CAND2: variants seen among roughly 807,000 people sequenced by gnomAD.
The protein encoded by CAND2 is cullin-associated NEDD8-dissociated protein 2.
Under a neutral mutation model 98.9 loss-of-function variants are expected in CAND2, and 62 were observed. The ratio of observed to expected loss-of-function variants is 0.63; its 90% confidence interval spans 0.51 to 0.77. The LOEUF (loss-of-function observed/expected upper bound fraction) is 0.77. Among genes scored for constraint, CAND2 ranks in the 30% least tolerant of loss-of-function variants. The probability of loss-of-function intolerance (pLI) is 0.00; values close to 1 mark genes in which losing one functional copy is unlikely to be tolerated. For missense variants in CAND2, 1,501 were observed against 1,655.2 expected (o/e 0.91, Z 1.62); for synonymous variants, 770 against 731.9 (o/e 1.05, Z -0.84).
chr3:12,830,835 C>G (rs2062046997), intron 13 of CAND2, among the ~76,000 whole-genome samples: 1 of 152,176 alleles, frequency 6.6e-6, no homozygotes, highest in African/African-American at 2.4e-5. Flanking sequence ...GGCTGGGCCT[C>G]CTCCTTTGCT....
intron 11 of CAND2, among the ~76,000 whole-genome samples, chr3:12,821,433 A>G: frequency 1.3e-5 from 2 of 152,200 alleles, no homozygotes; most frequent in Middle Eastern, 6.8e-3. Context: ...TTGTGCTGAT[A>G]CTCATCTGCC....
At chr3:12,800,277 C>T (rs2061756280) in intron 1 of CAND2, among the ~76,000 whole-genome samples, 1 of 152,238 alleles carries the variant, frequency 6.6e-6, no homozygotes, top group Non-Finnish European at 1.5e-5. Flanking sequence ...GACCAGTCCA[C>T]CCCTGGTAAC....
Position 12,796,786 on chromosome 3 carries a change from C to T in CAND2, c.66C>T (p.Phe22=). 6.3e-7 allele frequency: 1 copy of T among 1,582,624 alleles called. No homozygotes were observed. Among genetic ancestry groups the T allele is most frequent in the South Asian group, 1.1e-5 (1 of 86,986 alleles). Residue 22 remains phenylalanine, a splice_region_variant and synonymous_variant, in exon 1 of 15, where the codon TTC becomes TTT. Coordinates refer to ENST00000456430, the MANE Select transcript of CAND2 (RefSeq NM_001162499.2). ...AGATGACGTCCAGCGACAAGGACTT[C>T]AGGTGCAGCCCGCCGCCGGCCCCCT... The part of the protein sequence containing the change: ...LEKMTSSDKD[F]RFMATSDLMS...
At position 12,834,130 on chromosome 3, in the gene CAND2, C is replaced by A; in HGVS notation, c.*148C>A. On this transcript the variant is annotated 3_prime_UTR_variant, in exon 15 of 15. Coordinates refer to ENST00000456430, the MANE Select transcript of CAND2 (RefSeq NM_001162499.2). The stretch of plus-strand genomic sequence containing the variant: ...TCGCTCCTGGTCAGGGCTTACAGTG[C>A]CTTCTCCAGGGACCCAACTCAAAGG... 3 of 659,862 alleles carry A rather than the reference C, an allele frequency of 4.5e-6. No homozygotes were observed. The highest frequency in any genetic ancestry group is 7.7e-6 in the Non-Finnish European group (3 of 387,978). The allele number at this position is 659,862 out of a possible 1,614,324, so 40.9% of individuals were successfully genotyped here.
chr3:12,808,478 C>CA, intron 4 of CAND2, 145 bp downstream of exon 4: 1 of 905,210 alleles, frequency 1.1e-6, no homozygotes, highest in Non-Finnish European at 1.7e-6. Context: ...AAGGAGAACT[C>CA]AATTGTCACA....
At position 12,816,928 on chromosome 3, in the gene CAND2, C is replaced by T. The variant is rs766153105; in HGVS notation, c.1996C>T (p.Arg666Trp). The change falls in exon 10 of 15, where the codon CGG (arginine) becomes TGG (tryptophan). Residue 666 changes from arginine (R) to tryptophan (W), a missense_variant. Around this residue, in one of 3 missense-constraint regions of CAND2, gnomAD observed 1,427 missense variants for 1,545.3 expected, o/e 0.92. Transcript: ENST00000456430. ...ILASFLRKNQ[R>W]ALRLATLAAL... ...GGCCTCATTCCTGCGGAAGAACCAG[C>T]GGGCTTTGCGACTGGCCACACTGGC... The T allele has an allele frequency of 3.7e-6, 6 of 1,613,694 alleles. No homozygotes were observed. Among genetic ancestry groups the T allele is most frequent in the South Asian group, 3.3e-5 (3 of 91,082 alleles).
At chr3:12,813,684 A>G (rs537165942) in intron 7 of CAND2, among the ~76,000 whole-genome samples, 59 of 152,364 alleles carry the variant, frequency 3.9e-4, no homozygotes, top group African/African-American at 1.4e-3. Flanking sequence ...CTGAGATAAC[A>G]CAACTAGGAA....
At chr3:12,799,651 C>G (rs2061752573) in intron 1 of CAND2, among the ~76,000 whole-genome samples, 1 of 152,186 alleles carries the variant, frequency 6.6e-6, no homozygotes, top group Non-Finnish European at 1.5e-5. Flanking sequence ...CTCTGCAGAC[C>G]TGTTCTTTGT....
chr3:12,818,078 G>A (rs939696440), intron 10 of CAND2, among the ~76,000 whole-genome samples: 1 of 152,210 alleles, frequency 6.6e-6, no homozygotes, highest in African/African-American at 2.4e-5. Context: ...GGGACTGTGG[G>A]ATAGAAGGGA....
chr3:12,796,732 C>G lies in CAND2; in HGVS notation c.12C>G (p.Ala4=). The part of the protein sequence containing the change: MST[A]AFHISSLLEK... ...GGCGCGCAGCCACCATGAGCACCGC[C>G]GCCTTCCACATCTCCAGCCTCCTGG... is the stretch of plus-strand genomic sequence containing the variant. The change falls in exon 1 of 15, where the codon GCC becomes GCG. Residue 4 remains alanine, a synonymous_variant. Coordinates refer to ENST00000456430, the MANE Select transcript of CAND2 (RefSeq NM_001162499.2). 6.3e-7 allele frequency: 1 copy of G among 1,586,986 alleles called. No homozygotes were observed. Among genetic ancestry groups the G allele is most frequent in the Non-Finnish European group, 8.6e-7 (1 of 1,167,170 alleles).
At chr3:12,807,182 C>T in intron 2 of CAND2, 124 bp from the exon 3 acceptor site, 2 of 835,368 alleles carry the variant, frequency 2.4e-6, no homozygotes, top group Non-Finnish European at 3.7e-6. Flanking sequence ...ACAGGGGCTC[C>T]CCTGATGATC....
At chr3:12,807,616 C>T (rs2061818001) in intron 3 of CAND2, among the ~76,000 whole-genome samples, 156 bp downstream of exon 3, 1 of 152,120 alleles carries the variant, frequency 6.6e-6, no homozygotes, top group Admixed American at 6.5e-5. Flanking sequence ...AATTCAGGCC[C>T]AGCTCAGTTT....
At position 12,807,309 on chromosome 3, in the gene CAND2, G is replaced by T. The variant is rs770183884; in HGVS notation, c.216G>T (p.Leu72=). The change falls in exon 3 of 15, where the codon CTG becomes CTT. Residue 72 remains leucine, a synonymous_variant. Transcript: ENST00000456430. The stretch of plus-strand genomic sequence containing the variant: ...CACCTTCCCACTCCCTGCTCAGCCT[G>T]GGTCCTCTGGTGGTCAAAGTGAAGG... ...GEVQNLAVKC[L]GPLVVKVKEY... is the part of the protein sequence containing the mutation. 48 of 1,551,256 alleles carry T rather than the reference G, an allele frequency of 3.1e-5. No individual in the cohort carries two copies. The East Asian group carries it at 1.1e-3, about 36-fold the overall frequency.
In CAND2 at chr3:12,833,649, G is replaced by C. The variant is rs535781043; in HGVS notation, c.3484-106G>C. ...AGGAGACCTCGCAGCAGGGATTTATGTTGGGGAAGATGATGGGGCAGAGAG... is the reference window on the plus strand; with the variant it reads ...AGGAGACCTCGCAGCAGGGATTTATCTTGGGGAAGATGATGGGGCAGAGAG... On this transcript the variant is annotated intron_variant, in intron 14 of 14. Transcript: ENST00000456430. The C allele has an allele frequency of 3.4e-6, 3 of 879,728 alleles. No homozygotes were observed. In the African/African-American group the frequency reaches 5.0e-5, roughly 15 times the overall value. 54.5% of individuals were successfully genotyped at this position (879,728 alleles called of 1,614,324 possible). A position where few individuals can be genotyped will look rare whatever the true frequency, so the allele number is the denominator to read the frequency against.
At chr3:12,801,692 G>T (rs148408623) in intron 1 of CAND2, among the ~76,000 whole-genome samples, 1 of 152,178 alleles carries the variant, frequency 6.6e-6, no homozygotes, top group African/African-American at 2.4e-5. Context: ...AGCTATTGGC[G>T]CTGGTCTCCA....
At position 12,818,389 on chromosome 3, in the gene CAND2, C is replaced by T. The variant is rs561676345; in HGVS notation, c.2944+513C>T. The stretch of plus-strand genomic sequence containing the variant: ...CCCAGTAGCCGTAGACTGCAGCCTG[C>T]AGAGGGTCAGCTCTTTCGGCTAGCC... On this transcript the variant is annotated intron_variant, in intron 10 of 14. Coordinates refer to ENST00000456430, the MANE Select transcript of CAND2 (RefSeq NM_001162499.2). Among the ~76,000 whole-genome samples, 273 of 152,354 alleles carry T rather than the reference C, an allele frequency of 1.8e-3. 2 individuals are homozygous for T. The highest frequency in any genetic ancestry group is 6.2e-3 in the African/African-American group (259 of 41,594).
At chr3:12,809,925 G>A (rs770939545) in intron 4 of CAND2, 134 bp from the exon 5 acceptor site, 17 of 933,172 alleles carry the variant, frequency 1.8e-5, no homozygotes, top group East Asian at 3.3e-5. Context: ...CAGTTGCAGG[G>A]CACCTCTTTT....
rs774217143 is a variant in CAND2, at chr3:12,816,999, G to A, written c.2067G>A (p.Pro689=). 25 of 1,612,936 alleles carry A rather than the reference G, an allele frequency of 1.5e-5. No homozygotes were observed. The highest frequency in any genetic ancestry group is 4.4e-5 in the South Asian group (4 of 91,064). The stretch of plus-strand genomic sequence containing the variant: ...AGAGCCAGGGCCTCAGCCTCCCACC[G>A]TCTGCCGTGCAGGCCGTGCTGGCTG... ...LAQSQGLSLP[P]SAVQAVLAEL... The change falls in exon 10 of 15, where the codon CCG becomes CCA. Residue 689 remains proline (P), a synonymous_variant. Coordinates refer to ENST00000456430, the MANE Select transcript of CAND2 (RefSeq NM_001162499.2).
chr3:12,816,642 G>A lies in CAND2; in HGVS notation c.1710G>A (p.Met570Ile), dbSNP rs1407596808. 6.2e-7 allele frequency: 1 copy of A among 1,613,882 alleles called. No individual in the cohort carries two copies. Among genetic ancestry groups the A allele is most frequent in the South Asian group, 1.1e-5 (1 of 91,092 alleles). Residue 570 changes from methionine to isoleucine, a missense_variant, in exon 10 of 15, where the codon ATG (methionine) becomes ATA (isoleucine). By Grantham distance (10) the Met-to-Ile change is conservative. Around this residue, in one of 3 missense-constraint regions of CAND2, gnomAD observed 1,427 missense variants for 1,545.3 expected, o/e 0.92. Coordinates refer to ENST00000456430, the MANE Select transcript of CAND2 (RefSeq NM_001162499.2). ...ATCCTGAGCCATATGTTGGAGAGAT[G>A]TCTGCTGTCACCCTGGCGCGACTTC... ...MLDPEPYVGE[M>I]SAVTLARLRA...
Sources: allele counts gnomAD v4.1 joint callset (sites outside exome capture counted in the v4.1 genomes callset), GRCh38; gene constraint gnomAD v4.1.1; regional missense constraint gnomAD v4.1.1; transcripts MANE v1.5; gene names NCBI Gene and HGNC (gene_info 2026-07-23, HGNC 2026-07-21).